Variants in TENM3 observed in about 807,000 individuals in gnomAD.
TENM3 encodes the protein teneurin transmembrane protein 3.
In TENM3, 63 loss-of-function variants were observed where a neutral mutation model predicts 255.1. The observed-to-expected ratio is 0.25, with a 90% CI of 0.20 to 0.30. The LOEUF (loss-of-function observed/expected upper bound fraction) is 0.30. TENM3 is among the 10% of genes least tolerant of loss of function. The pLI, the probability that TENM3 is intolerant of heterozygous loss-of-function variation, is 1.00. For missense variants in TENM3, 2,929 were observed against 3,461.1 expected, an observed-to-expected ratio of 0.85 and a Z score of 3.86; for synonymous variants, 1,306 against 1,322.3, an observed-to-expected ratio of 0.99 and a Z score of 0.27.
chr4:182,477,200 C>G (rs4862071), intron 3 of TENM3, among the ~76,000 whole-genome samples: 1,569 of 152,054 alleles, frequency 0.01, 25 homozygotes, highest in African/African-American at 0.036. Flanking sequence ...TCAAAACCTT[C>G]AAGCACTTTA....
the TENM3 span, among the ~76,000 whole-genome samples, chr4:181,588,675 A>C: frequency 3.5e-4 from 53 of 152,192 alleles, no homozygotes; most frequent in African/African-American, 1.2e-3. Flanking sequence ...TTGTGTTGTA[A>C]ATAGAGAAGA....
At chr4:182,652,567 G>A (rs996905320) in intron 5 of TENM3, among the ~76,000 whole-genome samples, 2 of 152,028 alleles carry the variant, frequency 1.3e-5, no homozygotes, top group African/African-American at 4.8e-5. Flanking sequence ...ACAATATCAC[G>A]TAATTTATCC....
At chr4:181,686,758 C>T in the TENM3 span, among the ~76,000 whole-genome samples, 2 of 152,014 alleles carry the variant, frequency 1.3e-5, no homozygotes, top group African/African-American at 4.8e-5. Context: ...TAGTGGGTTT[C>T]CTGTTTATTT....
At chr4:182,313,836 T>C (rs746980387) in intron 1 of TENM3, among the ~76,000 whole-genome samples, 6 of 152,156 alleles carry the variant, frequency 3.9e-5, no homozygotes, top group Non-Finnish European at 5.9e-5. Context: ...CCCATCACAG[T>C]CATGCTGATG....
the TENM3 span, among the ~76,000 whole-genome samples, chr4:181,531,733 C>T: frequency 1.1e-4 from 17 of 152,250 alleles, no homozygotes; most frequent in South Asian, 2.9e-3. Flanking sequence ...AAATATAAAA[C>T]GCAAGATCTA....
At chr4:181,471,620 A>C in the TENM3 span, among the ~76,000 whole-genome samples, 1 of 151,992 alleles carries the variant, frequency 6.6e-6, no homozygotes, top group Non-Finnish European at 1.5e-5. Context: ...TCTTAACTTC[A>C]CCCGACTTCA....
At position 182,793,798 on chromosome 4, in the gene TENM3, G is replaced by T. The variant is rs1343302085; in HGVS notation, c.7126G>T (p.Gly2376Trp). The T allele has an allele frequency of 6.2e-7, 1 of 1,613,844 alleles. No homozygotes were observed. Among genetic ancestry groups the T allele is most frequent in the East Asian group, 2.2e-5 (1 of 44,886 alleles). ...TGACATAGAAATCTGGAAAAGAATT[G>T]GGAAGGACCCAGCTCCTTTTAACTT... is the stretch of plus-strand genomic sequence containing the variant. ...TPDIEIWKRIGKDPAPFNLYM... is the reference protein window; with the variant it reads ...TPDIEIWKRIWKDPAPFNLYM... Residue 2376 changes from glycine (G) to tryptophan (W), a missense_variant, in exon 26 of 28, where the codon GGG becomes TGG. This residue lies in a region of TENM3 where 476 missense variants were observed against 480.1 expected (regional missense o/e 0.99). Coordinates refer to ENST00000511685, the MANE Select transcript of TENM3 (RefSeq NM_001080477.4). The surrounding 1 kb of genome is among the most constrained non-coding windows in gnomAD (Gnocchi z 5.7).
chr4:181,807,278 A>C, the TENM3 span, among the ~76,000 whole-genome samples: 1 of 152,262 alleles, frequency 6.6e-6, no homozygotes, highest in Non-Finnish European at 1.5e-5. Context: ...AATATGGATA[A>C]GTAAACAAAA....
intron 1 of TENM3, among the ~76,000 whole-genome samples, chr4:182,199,743 T>TTTTTC (rs1754064849): frequency 7.6e-6 from 1 of 131,770 alleles, no homozygotes; most frequent in Non-Finnish European, 1.7e-5. Context: ...TTTTTTTTTT[T>TTTTTC]GAGACAGGAT....
At chr4:182,287,357 G>A (rs1460102082) in intron 1 of TENM3, among the ~76,000 whole-genome samples, 1 of 152,176 alleles carries the variant, frequency 6.6e-6, no homozygotes, top group African/African-American at 2.4e-5. Flanking sequence ...GCTTTTTGTT[G>A]GTGGCTGTAA....
intron 3 of TENM3, among the ~76,000 whole-genome samples, chr4:182,523,051 A>T (rs984795393): frequency 6.6e-6 from 1 of 151,976 alleles, no homozygotes; most frequent in Non-Finnish European, 1.5e-5. Flanking sequence ...ATGCTTCATG[A>T]TGTTGAGCAT....
chr4:182,079,415 C>G, the TENM3 span, among the ~76,000 whole-genome samples: 286 of 152,078 alleles, frequency 1.9e-3, no homozygotes, highest in African/African-American at 6.7e-3. Context: ...ACTCAGGAGG[C>G]TGAGGCCAGA....
chr4:182,780,500 G>A (rs1377593537), intron 24 of TENM3, among the ~76,000 whole-genome samples: 1 of 112,852 alleles, frequency 8.9e-6, no homozygotes, highest in African/African-American at 3.7e-5. Flanking sequence ...GATGCCTCCA[G>A]CTTTGTTCTT....
intron 2 of TENM3, 123 bp from the exon 3 acceptor site, chr4:182,346,528 C>G (rs1359744016): frequency 1.1e-6 from 1 of 923,768 alleles, no homozygotes; most frequent in Non-Finnish European, 1.6e-6. Flanking sequence ...TGGTGCTGAT[C>G]GCTGAAAAGC....
the TENM3 span, among the ~76,000 whole-genome samples, chr4:181,903,026 G>T: frequency 6.6e-6 from 1 of 152,096 alleles, no homozygotes; most frequent in Non-Finnish European, 1.5e-5. Context: ...GGGGAAAAAT[G>T]CTTCTATTCT....
chr4:182,708,447 G>A (rs944945432), intron 12 of TENM3, among the ~76,000 whole-genome samples: 2 of 152,212 alleles, frequency 1.3e-5, no homozygotes, highest in African/African-American at 4.8e-5. Flanking sequence ...TTTTGTGTTT[G>A]TGAACATATG....
At chr4:182,484,725 G>A (rs1298954238) in intron 3 of TENM3, among the ~76,000 whole-genome samples, 1 of 152,050 alleles carries the variant, frequency 6.6e-6, no homozygotes, top group African/African-American at 2.4e-5. Flanking sequence ...TATGCAAATT[G>A]GTCCTTCTTA....
the TENM3 span, chr4:181,522,732 T>C: frequency 1.3e-5 from 9 of 699,274 alleles, no homozygotes; most frequent in Admixed American, 3.6e-5. Flanking sequence ...TGAATCCTTG[T>C]TTCATTCTTC....
At chr4:182,395,060 T>G (rs1457176504) in intron 3 of TENM3, among the ~76,000 whole-genome samples, 1 of 152,212 alleles carries the variant, frequency 6.6e-6, no homozygotes, top group East Asian at 1.9e-4. Flanking sequence ...AGAGGGCTTT[T>G]CATGCTTAGA....
Sources: allele counts gnomAD v4.1 joint callset (sites outside exome capture counted in the v4.1 genomes callset), GRCh38; gene constraint gnomAD v4.1.1; regional missense constraint gnomAD v4.1.1; non-coding constraint Gnocchi (gnomAD v3.1); transcripts MANE v1.5; gene names NCBI Gene and HGNC (gene_info 2026-07-23, HGNC 2026-07-21).